Variants in KIF26B observed in about 807,000 individuals in gnomAD.
KIF26B encodes kinesin-like protein KIF26B.
In KIF26B, 63 loss-of-function variants were observed where a neutral mutation model predicts 151.2. That is an observed-to-expected ratio of 0.42 (90% confidence interval 0.34 to 0.51). The LOEUF is 0.51. Ranked by LOEUF, KIF26B falls within the 20% of genes least tolerant of loss-of-function variation. The pLI, the probability that KIF26B is intolerant of heterozygous loss-of-function variation, is 0.07. For missense variants in KIF26B, 2,813 were observed against 2,913.6 expected (o/e 0.97, Z 0.79); for synonymous variants, 1,357 against 1,262.1 (o/e 1.08, Z -1.59).
rs979837873 is a variant in KIF26B, at chr1:245,166,554, A to G, written c.465+9871A>G. Among the ~76,000 whole-genome samples the G allele has an allele frequency of 1.3e-5, 2 of 152,154 alleles. No individual in the cohort carries two copies. Among genetic ancestry groups the G allele is most frequent in the Admixed American group, 1.3e-4 (2 of 15,284 alleles). ...CTTCTTTAAGCCCGGCCCCTCTCGT[A>G]GCCCCTCCAGGGAGACTTGCAGATG... On this transcript the variant is annotated intron_variant, in intron 2 of 14. Coordinates refer to ENST00000407071, the MANE Select transcript of KIF26B (RefSeq NM_018012.4). The surrounding 1 kb of genome is among the most constrained non-coding windows in gnomAD (Gnocchi z 4.5).
At chr1:245,315,430 GA>G (rs1193990466) in intron 2 of KIF26B, among the ~76,000 whole-genome samples, 1 of 148,846 alleles carries the variant, frequency 6.7e-6, no homozygotes, top group Non-Finnish European at 1.5e-5. Context: ...GTCTGTAAAA[GA>G]AAAAAAAAGG....
chr1:245,553,691 C>T (rs1035728711), intron 5 of KIF26B, among the ~76,000 whole-genome samples: 16 of 152,266 alleles, frequency 1.1e-4, no homozygotes, highest in African/African-American at 3.4e-4. Context: ...AAACCATGAT[C>T]CTTTAGCCCT....
intron 10 of KIF26B, among the ~76,000 whole-genome samples, chr1:245,677,878 G>A (rs1367818920): frequency 6.6e-6 from 1 of 152,246 alleles, no homozygotes; most frequent in Non-Finnish European, 1.5e-5. Flanking sequence ...TTGAGACCTA[G>A]GAGACCCTTT....
chr1:245,687,636 C>T lies in KIF26B; in HGVS notation c.4653C>T (p.Asp1551=), dbSNP rs1351191656. The stretch of plus-strand genomic sequence containing the variant: ...AGGCCAGCCGGCAGGAGGAGCCGGA[C>T]AGCCTCTCCTATTACTGCGCTGCTG... ...FQKASRQEEP[D]SLSYYCAAET... The change falls in exon 12 of 15, where the codon GAC becomes GAT. Residue 1551 remains aspartate, a synonymous_variant. Transcript: ENST00000407071. The surrounding 1 kb of genome is among the most constrained non-coding windows in gnomAD (Gnocchi z 4.9). 1.3e-6 allele frequency: 2 copies of T among 1,567,828 alleles called. No individual in the cohort carries two copies. Among genetic ancestry groups the T allele is most frequent in the Non-Finnish European group, 1.7e-6 (2 of 1,156,728 alleles).
intron 2 of KIF26B, among the ~76,000 whole-genome samples, chr1:245,290,358 A>G (rs1335362223): frequency 6.6e-6 from 1 of 152,218 alleles, no homozygotes; most frequent in Non-Finnish European, 1.5e-5. Context: ...CATAAAGTGT[A>G]AGCAAGTTTA....
intron 10 of KIF26B, among the ~76,000 whole-genome samples, chr1:245,647,175 T>C (rs1440985011): frequency 1.3e-5 from 2 of 152,146 alleles, no homozygotes; most frequent in Non-Finnish European, 2.9e-5. Flanking sequence ...CCTGTAATCC[T>C]GGCACTTTGG....
chr1:245,604,041 GC>G (rs2043424570), intron 6 of KIF26B, among the ~76,000 whole-genome samples: 1 of 152,132 alleles, frequency 6.6e-6, no homozygotes, highest in South Asian at 2.1e-4. Flanking sequence ...GTGAAGATGG[GC>G]CTCTAAGTGG....
chr1:245,360,024 C>T (rs998669805), intron 2 of KIF26B, among the ~76,000 whole-genome samples: 1 of 151,884 alleles, frequency 6.6e-6, no homozygotes, highest in East Asian at 1.9e-4. Context: ...AGGCACCTAC[C>T]ACCATGCCCG....
chr1:245,291,489 C>T (rs1232014038), intron 2 of KIF26B, among the ~76,000 whole-genome samples: 1 of 152,096 alleles, frequency 6.6e-6, no homozygotes, highest in Non-Finnish European at 1.5e-5. Flanking sequence ...GCTTTGTGAC[C>T]CAAGCATGCA....
intron 10 of KIF26B, among the ~76,000 whole-genome samples, chr1:245,658,480 T>C (rs552132964): frequency 1.3e-5 from 2 of 152,298 alleles, no homozygotes; most frequent in African/African-American, 4.8e-5. Flanking sequence ...CTCGCTGCAC[T>C]CCCAGGCTCA....
At position 245,686,122 on chromosome 1, in the gene KIF26B, C is replaced by A; in HGVS notation, c.3139C>A (p.Arg1047=). The change falls in exon 12 of 15, where the codon CGG becomes AGG. Residue 1047 remains arginine (R), a synonymous_variant. Coordinates refer to ENST00000407071, the MANE Select transcript of KIF26B (RefSeq NM_018012.4). This position sits in a 1 kb window ranked among gnomAD's most constrained non-coding sequence, Gnocchi z 5.6. Reference sequence around the variant, plus strand: ...GCAGAGCCCCAGCCTCCAGAGCAGCCGGGAGAGCCTCAACTCCTGCGGCTT... The same window carrying A: ...GCAGAGCCCCAGCCTCCAGAGCAGCAGGGAGAGCCTCAACTCCTGCGGCTT... ...LVQSPSLQSS[R]ESLNSCGFVE... is the part of the protein sequence containing the mutation. 2.5e-6 allele frequency: 4 copies of A among 1,610,918 alleles called. No homozygotes were observed. Among genetic ancestry groups the A allele is most frequent in the Non-Finnish European group, 3.4e-6 (4 of 1,179,142 alleles).
intron 2 of KIF26B, among the ~76,000 whole-genome samples, chr1:245,348,017 T>C (rs991977754): frequency 1.3e-5 from 2 of 152,232 alleles, no homozygotes; most frequent in Non-Finnish European, 2.9e-5. Context: ...ATAAGTGGTA[T>C]AAAATGGTCA....
In KIF26B at chr1:245,430,841, C is replaced by T. The variant is rs913536354; in HGVS notation, c.1166+11096C>T. ...GCACAGAGGGCAGAAGTAAGTTGAC[C>T]AAGTCCACACAACTAGTAGGCAACG... On this transcript the variant is annotated intron_variant, in intron 4 of 14. Transcript: ENST00000407071. Among the ~76,000 whole-genome samples the T allele has an allele frequency of 2.0e-5, 3 of 152,198 alleles. No homozygotes were observed. The East Asian group carries it at 5.8e-4, about 29-fold the overall frequency.
chr1:245,231,768 A>T (rs942586187), intron 2 of KIF26B, among the ~76,000 whole-genome samples: 6 of 152,328 alleles, frequency 3.9e-5, no homozygotes, highest in African/African-American at 1.4e-4. Flanking sequence ...AAGAAAAAAA[A>T]ATTAGATTGG....
intron 2 of KIF26B, among the ~76,000 whole-genome samples, chr1:245,192,838 G>A (rs1669132355): frequency 6.6e-6 from 1 of 152,186 alleles, no homozygotes; most frequent in South Asian, 2.1e-4. Flanking sequence ...TAGTGGTGGG[G>A]ATTGGGTTTC....
intron 2 of KIF26B, among the ~76,000 whole-genome samples, chr1:245,357,674 G>C (rs1371051964): frequency 6.6e-6 from 1 of 151,928 alleles, no homozygotes; most frequent in Non-Finnish European, 1.5e-5. Context: ...TGGTTGATGA[G>C]GGAGAGAGGG....
intron 4 of KIF26B, among the ~76,000 whole-genome samples, chr1:245,429,598 G>C (rs1157120757): frequency 2.0e-5 from 3 of 152,084 alleles, no homozygotes; most frequent in African/African-American, 7.2e-5. Context: ...CTTCTGAAGA[G>C]GTTTCATTTT....
intron 2 of KIF26B, among the ~76,000 whole-genome samples, chr1:245,255,845 T>G (rs1411303571): frequency 6.6e-6 from 1 of 152,260 alleles, no homozygotes; most frequent in Non-Finnish European, 1.5e-5. Context: ...CTTATTTTTT[T>G]GCCCAGAGAG....
chr1:245,527,317 A>G (rs1013528921), intron 4 of KIF26B, among the ~76,000 whole-genome samples: 2 of 152,104 alleles, frequency 1.3e-5, no homozygotes, highest in Non-Finnish European at 2.9e-5. Flanking sequence ...AAAATCAGGC[A>G]CTGACATTCC....
Sources: allele counts gnomAD v4.1 joint callset (sites outside exome capture counted in the v4.1 genomes callset), GRCh38; gene constraint gnomAD v4.1.1; non-coding constraint Gnocchi (gnomAD v3.1); transcripts MANE v1.5; gene names NCBI Gene and HGNC (gene_info 2026-07-23, HGNC 2026-07-21).